Variants in COL18A1 observed in about 807,000 individuals in gnomAD.
COL18A1 encodes the protein collagen alpha-1(XVIII) chain.
A neutral mutation model predicts 168.0 loss-of-function variants in COL18A1; 133 were observed. The observed-to-expected ratio is 0.79, with a 90% CI of 0.69 to 0.91. The LOEUF (loss-of-function observed/expected upper bound fraction) is 0.91. COL18A1 is among the 40% of genes least tolerant of loss of function. The pLI is 0.00. For synonymous variants in COL18A1, 949 were observed against 809.0 expected (o/e 1.17, Z -2.94); for missense variants, 2,126 against 1,925.4 (o/e 1.10, Z -1.95).
intron 27 of COL18A1, 144 bp from the exon 28 acceptor site, chr21:45,494,718 G>A (rs891778481): frequency 2.5e-5 from 34 of 1,355,296 alleles, no homozygotes; most frequent in Non-Finnish European, 2.9e-5. Flanking sequence ...AGGTGTCGGC[G>A]TGAGGCTGCA....
rs150599898 is a variant in COL18A1 at position 45,418,744 on chromosome 21, C to T, written c.106+13271C>T. Among the ~76,000 whole-genome samples, 21 of 152,084 alleles carry T rather than the reference C, an allele frequency of 1.4e-4. 1 individual carries two copies. Among genetic ancestry groups the T allele is most frequent in the Non-Finnish European group, 2.8e-4 (19 of 68,022 alleles). ...GTCACTTCCTGGGGTCTCAGGGCAG[C>T]GGCACCTCCTCAGGGGCCTCCAAGG... On this transcript the variant is annotated intron_variant, in intron 2 of 41. Coordinates refer to ENST00000651438, the MANE Select transcript of COL18A1 (RefSeq NM_001379500.1).
intron 2 of COL18A1, among the ~76,000 whole-genome samples, chr21:45,451,608 T>C (rs1012524848): frequency 6.6e-6 from 1 of 152,218 alleles, no homozygotes; most frequent in African/African-American, 2.4e-5. Context: ...GTTGCCTTTG[T>C]TGAGTCGAAT....
intron 4 of COL18A1, among the ~76,000 whole-genome samples, chr21:45,474,522 TGTGTCTGC>T (rs1320241274): frequency 1.3e-5 from 2 of 151,740 alleles, no homozygotes; most frequent in Non-Finnish European, 2.9e-5. Context: ...TCTTGTGTGT[TGTGTCTGC>T]ATGTCTGCAT....
intron 2 of COL18A1, among the ~76,000 whole-genome samples, chr21:45,409,714 T>TCAC (rs1316682837): frequency 6.6e-6 from 1 of 152,252 alleles, no homozygotes; most frequent in Non-Finnish European, 1.5e-5. Context: ...CCAGTGGCTG[T>TCAC]CACCAGCCTT....
chr21:45,405,411 TC>T lies in COL18A1; in HGVS notation c.46del (p.Leu16TrpfsTer108). On this transcript the variant is annotated frameshift_variant, in exon 2 of 42. Transcript: ENST00000651438. LOFTEE classifies it high-confidence loss of function. ...TGGCCATGGCCGCGGCGGCGGCGCCTCCTGGACGTGCTCGCGCCCCTGGTCC... is the reference window on the plus strand; with the variant it reads ...TGGCCATGGCCGCGGCGGCGGCGCCTCTGGACGTGCTCGCGCCCCTGGTCC... ...CPWPWPRRRR[L>X]LDVLAPLVLL... 1 of 1,349,338 alleles carries T rather than the reference TC, an allele frequency of 7.4e-7. No individual in the cohort carries two copies. 83.6% of individuals were successfully genotyped at this position (1,349,338 alleles called of 1,614,324 possible).
chr21:45,452,886 A>C (rs890489983), intron 2 of COL18A1, among the ~76,000 whole-genome samples: 2 of 151,570 alleles, frequency 1.3e-5, no homozygotes, highest in Non-Finnish European at 2.9e-5. Flanking sequence ...GAGTATTCAC[A>C]TGTGACATGT....
intron 2 of COL18A1, among the ~76,000 whole-genome samples, chr21:45,434,479 C>A (rs2034046735): frequency 6.6e-6 from 1 of 152,206 alleles, no homozygotes; most frequent in Non-Finnish European, 1.5e-5. Context: ...CAGTTCTGAG[C>A]ATCAGGCCAG....
intron 2 of COL18A1, among the ~76,000 whole-genome samples, chr21:45,412,867 G>A (rs186063187): frequency 1.6e-4 from 25 of 152,346 alleles, no homozygotes; most frequent in Admixed American, 5.2e-4. Flanking sequence ...AAGCCTGGCC[G>A]TCATCTATGG....
chr21:45,479,520 A>C (rs1406906500), intron 9 of COL18A1, among the ~76,000 whole-genome samples: 2 of 151,954 alleles, frequency 1.3e-5, no homozygotes, highest in East Asian at 3.9e-4. Context: ...TGGATTATGC[A>C]CACCATACAT....
intron 15 of COL18A1, among the ~76,000 whole-genome samples, chr21:45,484,591 CACACATGTATCTGGTGTATATGTGCA>C (rs2036042420): frequency 6.6e-6 from 1 of 152,088 alleles, no homozygotes; most frequent in African/African-American, 2.4e-5. Flanking sequence ...AGCATACATG[CACACATGTATCTGGTGTATATGTGCA>C]ACACATGTAT....
chr21:45,489,177 C>T (rs1020680144), intron 18 of COL18A1, among the ~76,000 whole-genome samples: 3 of 152,208 alleles, frequency 2.0e-5, no homozygotes, highest in Non-Finnish European at 4.4e-5. Flanking sequence ...TGGGAAGGGC[C>T]GTGTGTTTGC....
chr21:45,493,354 C>A, intron 25 of COL18A1, 129 bp downstream of exon 25: 1 of 1,286,768 alleles, frequency 7.8e-7, no homozygotes, highest in Non-Finnish European at 1.1e-6. Flanking sequence ...AGGGGTACAT[C>A]CCTGCTCGGG....
chr21:45,493,681 C>T, intron 26 of COL18A1, 106 bp downstream of exon 26: 1 of 854,822 alleles, frequency 1.2e-6, no homozygotes, highest in South Asian at 1.5e-5. Context: ...GCACGAGCCT[C>T]TCCCAAGCAG....
chr21:45,492,996 C>T (rs2036407044), intron 24 of COL18A1, among the ~76,000 whole-genome samples, 167 bp from the exon 25 acceptor site: 1 of 151,960 alleles, frequency 6.6e-6, no homozygotes, highest in South Asian at 2.1e-4. Context: ...TGGGGGTCAC[C>T]TGCGGAGGCC....
At chr21:45,437,138 C>CCTGCA (rs139223681) in intron 2 of COL18A1, among the ~76,000 whole-genome samples, 5,989 of 109,278 alleles carry the variant, frequency 0.055, 384 homozygotes, top group East Asian at 0.086. Context: ...CAGGCACTCT[C>CCTGCA]CACACACACT....
rs1234730289 is a variant in COL18A1 at position 45,490,509 on chromosome 21, T to C, written c.2031+163T>C. Among the ~76,000 whole-genome samples the C allele has an allele frequency of 2.0e-4, 30 of 148,586 alleles. 2 individuals are homozygous for C. Among genetic ancestry groups the C allele is most frequent in the South Asian group, 1.5e-3 (7 of 4,682 alleles). The stretch of plus-strand genomic sequence containing the variant: ...GTGTGCCCTCCCGGGTCTCTGGGCC[T>C]CCGTGTGCCCACTCCCGGGTCTCTG... On this transcript the variant is annotated intron_variant, in intron 20 of 41. Transcript: ENST00000651438.
At position 45,479,869 on chromosome 21, in the gene COL18A1, T is replaced by C. The variant is rs114867695; in HGVS notation, c.1249-33T>C. The stretch of plus-strand genomic sequence containing the variant: ...CTGGGTGCGGCCCATGGTGGTGCCT[T>C]CCCTGACCGGGCCCCCGGATGTTGT... On this transcript the variant is annotated intron_variant, in intron 9 of 41. Transcript: ENST00000651438. The C allele has an allele frequency of 2.5e-3, 4,077 of 1,612,580 alleles. 90 individuals carry two copies. The African/African-American group carries it at 0.046, about 18-fold the overall frequency.
chr21:45,489,496 G>A lies in COL18A1; in HGVS notation c.1934G>A (p.Gly645Asp), dbSNP rs2036224204. The A allele has an allele frequency of 6.2e-6, 10 of 1,603,232 alleles. No homozygotes were observed. The highest frequency in any genetic ancestry group is 8.5e-6 in the Non-Finnish European group (10 of 1,174,982). ...CCTTTTTTCACTTAGGGGGATCCTG[G>A]CGTGCCTGGGCTGCCGGGGGCGAAG... is the stretch of plus-strand genomic sequence containing the variant. ...PGLPGLKGDP[G>D]VPGLPGAKGE... Residue 645 changes from glycine to aspartate, a missense_variant, in exon 19 of 42, where the codon GGC (glycine) becomes GAC (aspartate). Gly to Asp is a moderately conservative substitution (Grantham distance 94). Coordinates refer to ENST00000651438, the MANE Select transcript of COL18A1 (RefSeq NM_001379500.1).
rs994908993 is a variant in COL18A1 at position 45,423,356 on chromosome 21, G to A, written c.106+17883G>A. The stretch of plus-strand genomic sequence containing the variant: ...CTTGCTGTGCTGGGGTACATTCCCC[G>A]AGCTTCCACAGTTTCCCTTTCCTTG... On this transcript the variant is annotated intron_variant, in intron 2 of 41. Coordinates refer to ENST00000651438, the MANE Select transcript of COL18A1 (RefSeq NM_001379500.1). This position sits in a 1 kb window ranked among gnomAD's most constrained non-coding sequence, Gnocchi z 4.0. Among the ~76,000 whole-genome samples the A allele has an allele frequency of 3.3e-5, 5 of 152,176 alleles. No homozygotes were observed. Among genetic ancestry groups the A allele is most frequent in the Admixed American group, 6.5e-5 (1 of 15,286 alleles).
Sources: gnomAD v4.1 joint callset for allele counts (sites outside exome capture counted in the v4.1 genomes callset) on GRCh38, gnomAD v4.1.1 for gene constraint, Gnocchi (gnomAD v3.1) non-coding constraint, MANE v1.5 for transcripts, NCBI Gene and HGNC (gene_info 2026-07-23, HGNC 2026-07-21) for gene names.